DCC: variants seen among roughly 807,000 people sequenced by gnomAD.
DCC encodes the protein netrin receptor DCC.
In DCC, 58 loss-of-function variants were observed where a neutral mutation model predicts 172.5. The observed-to-expected ratio is 0.34, with a 90% confidence interval of 0.27 to 0.42. The LOEUF is 0.42. DCC is among the 10% of genes least tolerant of loss of function. The pLI is 1.00. For synonymous variants in DCC, 709 were observed against 644.5 expected, an observed-to-expected ratio of 1.10 and a Z score of -1.52; for missense variants, 1,740 against 1,791.0, an observed-to-expected ratio of 0.97 and a Z score of 0.51.
At chr18:52,807,276 C>T (rs7226399) in intron 2 of DCC, among the ~76,000 whole-genome samples, 11,067 of 152,202 alleles carry the variant, frequency 0.073, 1,297 homozygotes, top group African/African-American at 0.25. Context: ...CACTGCGCCT[C>T]CTGCCTCTCT....
intron 1 of DCC, among the ~76,000 whole-genome samples, chr18:52,416,315 G>C (rs1355809053): frequency 1.3e-5 from 2 of 151,652 alleles, no homozygotes; most frequent in Non-Finnish European, 3.0e-5. Context: ...TTTTGGAATA[G>C]GTGTGGTGTG....
intron 12 of DCC, among the ~76,000 whole-genome samples, chr18:53,266,047 C>T (rs567441077): frequency 1.4e-4 from 22 of 152,294 alleles, no homozygotes; most frequent in African/African-American, 4.8e-4. Context: ...TGTTTATGCC[C>T]TTTCCTGCTC....
At chr18:53,234,054 C>A (rs1249370263) in intron 12 of DCC, among the ~76,000 whole-genome samples, 1 of 152,120 alleles carries the variant, frequency 6.6e-6, no homozygotes, top group Non-Finnish European at 1.5e-5. Flanking sequence ...AGTTCGAGAC[C>A]AGCCTGACCA....
intron 9 of DCC, among the ~76,000 whole-genome samples, chr18:53,181,066 GT>G (rs2055189170): frequency 6.6e-6 from 1 of 152,126 alleles, no homozygotes; most frequent in Admixed American, 6.5e-5. Flanking sequence ...TATATCTCAT[GT>G]GATAGATAGG....
chr18:53,418,758 A>G (rs1910463359), intron 21 of DCC, among the ~76,000 whole-genome samples: 1 of 152,186 alleles, frequency 6.6e-6, no homozygotes, highest in Non-Finnish European at 1.5e-5. Flanking sequence ...AAGAACATAA[A>G]TGTGAAAACA....
intron 5 of DCC, among the ~76,000 whole-genome samples, chr18:52,927,107 ACGTATATACGTGTATATACACG>A (rs2040223362): frequency 8.9e-6 from 1 of 111,980 alleles, no homozygotes; most frequent in African/African-American, 3.5e-5. Flanking sequence ...GTGTATATAC[ACGTATATACGTGTATATACACG>A]TATATACGTG....
At chr18:52,673,359 G>GT (rs776082503) in intron 1 of DCC, among the ~76,000 whole-genome samples, 44 of 152,062 alleles carry the variant, frequency 2.9e-4, no homozygotes, top group African/African-American at 8.4e-4. Flanking sequence ...CTCTTTTCTT[G>GT]TTTTCCTGAC....
At chr18:52,860,727 C>T (rs2145360485) in intron 2 of DCC, among the ~76,000 whole-genome samples, 1 of 152,326 alleles carries the variant, frequency 6.6e-6, no homozygotes, top group East Asian at 1.9e-4. Context: ...TAGCCGGGCG[C>T]TGTGCTTCAT....
chr18:52,340,722 G>A lies in DCC; in HGVS notation c.-66G>A. Reference sequence around the variant, plus strand: ...TGTGTGTGCATGTGTGCATGCGTGTGTGAGTGCATGTGTGTGAGTGCTGCC... The same window carrying A: ...TGTGTGTGCATGTGTGCATGCGTGTATGAGTGCATGTGTGTGAGTGCTGCC... On this transcript the variant is annotated 5_prime_UTR_variant, in exon 1 of 29. It adds an upstream start codon to the 5' untranslated region. Transcript: ENST00000442544. 1 of 1,116,264 alleles carries A rather than the reference G, an allele frequency of 9.0e-7. No homozygotes were observed. Among genetic ancestry groups the A allele is most frequent in the Non-Finnish European group, 1.4e-6 (1 of 726,158 alleles). The allele number at this position is 1,116,264 out of a possible 1,614,324, so 69.1% of individuals were successfully genotyped here. A position where few individuals can be genotyped will look rare whatever the true frequency, so the allele number is the denominator to read the frequency against.
intron 1 of DCC, among the ~76,000 whole-genome samples, chr18:52,638,317 A>C (rs752805072): frequency 1.7e-4 from 26 of 152,202 alleles, no homozygotes; most frequent in African/African-American, 6.3e-4. Context: ...AAAGAGCATG[A>C]TGAATGCAAT....
chr18:53,021,157 ACG>A (rs2041875311), intron 5 of DCC, among the ~76,000 whole-genome samples: 1 of 152,252 alleles, frequency 6.6e-6, no homozygotes, highest in South Asian at 2.1e-4. Context: ...CCTCACACAC[ACG>A]GCAGGGTATG....
At chr18:53,013,439 CAG>C (rs2041760370) in intron 5 of DCC, among the ~76,000 whole-genome samples, 1 of 151,842 alleles carries the variant, frequency 6.6e-6, no homozygotes, top group African/African-American at 2.4e-5. Flanking sequence ...CAAACTAACA[CAG>C]AAACAGAAAA....
At chr18:52,650,231 A>C (rs1489037872) in intron 1 of DCC, among the ~76,000 whole-genome samples, 1 of 152,106 alleles carries the variant, frequency 6.6e-6, no homozygotes, top group Non-Finnish European at 1.5e-5. Context: ...TGCCTGCCTC[A>C]GCCTCCTACG....
At chr18:52,387,606 C>CCTTCCTTCCTTT (rs1985859821) in intron 1 of DCC, among the ~76,000 whole-genome samples, 1 of 150,562 alleles carries the variant, frequency 6.6e-6, no homozygotes, top group Non-Finnish European at 1.5e-5. Context: ...TTCCTTCCTT[C>CCTTCCTTCCTTT]CTTCCTTCCT....
At chr18:52,796,852 T>C (rs1328443918) in intron 2 of DCC, among the ~76,000 whole-genome samples, 2 of 152,204 alleles carry the variant, frequency 1.3e-5, no homozygotes. Flanking sequence ...TAGATGTCTA[T>C]ATGTTTTTCA....
rs66563805 is a variant in DCC at position 53,159,005 on chromosome 18, AG to A, written c.1418+1494del. Among the ~76,000 whole-genome samples, 149 of 146,886 alleles carry A rather than the reference AG, an allele frequency of 1.0e-3. 14 individuals are homozygous for A. The highest frequency in any genetic ancestry group is 2.0e-3 in the African/African-American group (82 of 40,192). On this transcript the variant is annotated intron_variant, in intron 8 of 28. Coordinates refer to ENST00000442544, the MANE Select transcript of DCC (RefSeq NM_005215.4). ...CGCCATCTCAAAAAAAAAAAAAAAA[AG>A]AAGAAGATGTAGGCATACCCATATT...
chr18:53,362,782 C>T (rs532487077), intron 15 of DCC, among the ~76,000 whole-genome samples: 5 of 151,968 alleles, frequency 3.3e-5, no homozygotes, highest in Non-Finnish European at 4.4e-5. Flanking sequence ...ACCCTTCCAC[C>T]GCCTTACAAA....
chr18:53,047,235 GATATAT>G (rs70944616), intron 5 of DCC, among the ~76,000 whole-genome samples: 34 of 30,242 alleles, frequency 1.1e-3, no homozygotes, highest in South Asian at 3.4e-3. Context: ...CTGCAGGTAG[GATATAT>G]ATATATATAT....
intron 1 of DCC, among the ~76,000 whole-genome samples, chr18:52,497,912 G>A (rs1033717940): frequency 1.3e-5 from 2 of 152,088 alleles, no homozygotes; most frequent in Non-Finnish European, 1.5e-5. Flanking sequence ...CTAGAACAGG[G>A]ATTGACATAT....
Sources: gnomAD v4.1 joint callset for allele counts (sites outside exome capture counted in the v4.1 genomes callset) on GRCh38, gnomAD v4.1.1 for gene constraint, MANE v1.5 for transcripts, NCBI Gene and HGNC (gene_info 2026-07-23, HGNC 2026-07-21) for gene names.